Variants in P3H2 observed in about 807,000 individuals in gnomAD.
The protein encoded by P3H2 is leprecan-like 1.
A neutral mutation model predicts 87.0 loss-of-function variants in P3H2; 80 were observed. The ratio of observed to expected loss-of-function variants is 0.92; its 90% CI spans 0.77 to 1.11. The LOEUF is 1.11. P3H2 is among the 50% of genes least tolerant of loss of function. The pLI is 0.00. For missense variants in P3H2, 1,001 were observed against 923.9 expected, an observed-to-expected ratio of 1.08 and a Z score of -1.08; for synonymous variants, 367 against 359.3, an observed-to-expected ratio of 1.02 and a Z score of -0.24.
chr3:189,995,548 G>T, intron 1 of P3H2, 106 bp from the exon 2 acceptor site: 1 of 1,050,234 alleles, frequency 9.5e-7, no homozygotes. Flanking sequence ...ATGAAACTAG[G>T]AGCCTTGGTT....
intron 1 of P3H2, among the ~76,000 whole-genome samples, chr3:190,040,087 A>G (rs1349910969): frequency 2.0e-5 from 3 of 152,208 alleles, no homozygotes. Context: ...TTTATATGTA[A>G]TAATTCAAGA....
At chr3:190,009,692 T>G (rs1235983038) in intron 1 of P3H2, among the ~76,000 whole-genome samples, 1 of 152,220 alleles carries the variant, frequency 6.6e-6, no homozygotes, top group Non-Finnish European at 1.5e-5. Context: ...TAGCCTTCCA[T>G]CTGAGAGTTG....
At chr3:189,979,013 C>T (rs1723441593) in intron 8 of P3H2, among the ~76,000 whole-genome samples, 1 of 152,184 alleles carries the variant, frequency 6.6e-6, no homozygotes, top group Non-Finnish European at 1.5e-5. Flanking sequence ...CTTGTACTCA[C>T]TGTCTGGCTC....
chr3:190,010,098 G>A (rs1179204048), intron 1 of P3H2, among the ~76,000 whole-genome samples: 1 of 152,142 alleles, frequency 6.6e-6, no homozygotes, highest in African/African-American at 2.4e-5. Flanking sequence ...AAGAGAAGAT[G>A]GTGAGTATAT....
At chr3:190,035,390 A>G (rs1363744935) in intron 1 of P3H2, among the ~76,000 whole-genome samples, 1 of 152,292 alleles carries the variant, frequency 6.6e-6, no homozygotes, top group Non-Finnish European at 1.5e-5. Flanking sequence ...TTGACAATTG[A>G]GTTAGTCTAT....
At chr3:190,083,586 T>C (rs763329602) in intron 1 of P3H2, among the ~76,000 whole-genome samples, 7 of 152,182 alleles carry the variant, frequency 4.6e-5, no homozygotes, top group Non-Finnish European at 1.5e-5. Flanking sequence ...AAATGTGTAA[T>C]TGTGGTGTAT....
intron 3 of P3H2, among the ~76,000 whole-genome samples, chr3:189,991,073 A>C (rs1274628892): frequency 2.0e-5 from 3 of 152,230 alleles, no homozygotes; most frequent in Non-Finnish European, 4.4e-5. Flanking sequence ...CAACACAGTT[A>C]ACTATAATAA....
intron 1 of P3H2, among the ~76,000 whole-genome samples, chr3:190,048,767 T>G (rs2108959509): frequency 6.6e-6 from 1 of 152,262 alleles, no homozygotes; most frequent in Non-Finnish European, 1.5e-5. Context: ...GCAATGTTTC[T>G]TCCAGGTCAG....
At position 190,011,123 on chromosome 3, in the gene P3H2, CAATT is replaced by C. The variant is rs373455529; in HGVS notation, c.481-15685_481-15682del. ...CTTTAGTCTCTACTAAAAATACAAA[CAATT>C]AACTGGGCATGGTGGCACGCACCTG... On this transcript the variant is annotated intron_variant, in intron 1 of 14. Coordinates refer to ENST00000319332, the MANE Select transcript of P3H2 (RefSeq NM_018192.4). Among the ~76,000 whole-genome samples the C allele has an allele frequency of 4.9e-4, 75 of 152,054 alleles. No individual in the cohort carries two copies. The South Asian group carries it at 0.015, about 30-fold the overall frequency.
chr3:189,996,021 T>G (rs930222568), intron 1 of P3H2, among the ~76,000 whole-genome samples: 2 of 152,134 alleles, frequency 1.3e-5, no homozygotes, highest in Admixed American at 6.6e-5. Flanking sequence ...GAATATAAAT[T>G]AGCAAGACCA....
At chr3:190,063,413 T>A (rs1726395651) in intron 1 of P3H2, among the ~76,000 whole-genome samples, 1 of 152,220 alleles carries the variant, frequency 6.6e-6, no homozygotes, top group Non-Finnish European at 1.5e-5. Flanking sequence ...TACGTTTGGC[T>A]ATTGCATTAC....
At chr3:190,090,366 T>C (rs1328558117) in intron 1 of P3H2, among the ~76,000 whole-genome samples, 1 of 152,178 alleles carries the variant, frequency 6.6e-6, no homozygotes, top group Non-Finnish European at 1.5e-5. Flanking sequence ...TATGGACATA[T>C]TTTTCACAGT....
intron 1 of P3H2, among the ~76,000 whole-genome samples, chr3:190,104,002 G>A (rs1466438920): frequency 6.6e-6 from 1 of 152,010 alleles, no homozygotes; most frequent in African/African-American, 2.4e-5. Flanking sequence ...ATGTTGGCCA[G>A]GCTGGTCTTG....
intron 1 of P3H2, among the ~76,000 whole-genome samples, chr3:190,099,175 T>C (rs1711533930): frequency 6.6e-6 from 1 of 152,168 alleles, no homozygotes; most frequent in African/African-American, 2.4e-5. Flanking sequence ...ATACTTACAT[T>C]AAATATTATT....
At chr3:190,026,843 G>C (rs1725100856) in intron 1 of P3H2, among the ~76,000 whole-genome samples, 1 of 152,146 alleles carries the variant, frequency 6.6e-6, no homozygotes, top group East Asian at 1.9e-4. Context: ...GGTATTAGTT[G>C]TTCTAATAAC....
intron 1 of P3H2, among the ~76,000 whole-genome samples, chr3:190,038,201 A>T (rs1725484252): frequency 2.7e-5 from 4 of 148,754 alleles, no homozygotes; most frequent in Admixed American, 2.1e-4. Context: ...GCGCCACTGC[A>T]CTCCAGCCTG....
At chr3:190,021,724 ACT>A (rs1381445506) in intron 1 of P3H2, among the ~76,000 whole-genome samples, 1 of 134,362 alleles carries the variant, frequency 7.4e-6, no homozygotes, top group Admixed American at 7.6e-5. Flanking sequence ...CCAGTTATTC[ACT>A]TTTTCAATAA....
At chr3:189,980,977 T>C (rs1263460493) in intron 8 of P3H2, among the ~76,000 whole-genome samples, 1 of 152,190 alleles carries the variant, frequency 6.6e-6, no homozygotes, top group Non-Finnish European at 1.5e-5. Context: ...TAAAAACTCT[T>C]GAACAACAAG....
chr3:190,011,850 T>A (rs1347856779), intron 1 of P3H2, among the ~76,000 whole-genome samples: 1 of 152,220 alleles, frequency 6.6e-6, no homozygotes, highest in Non-Finnish European at 1.5e-5. Context: ...ACATTCTGGA[T>A]AATATGATTC....
Sources: allele counts gnomAD v4.1 joint callset (sites outside exome capture counted in the v4.1 genomes callset), GRCh38; gene constraint gnomAD v4.1.1; transcripts MANE v1.5; gene names NCBI Gene and HGNC (gene_info 2026-07-23, HGNC 2026-07-21).